The following ANGPT1 variants were observed in gnomAD, a reference collection of about 807,000 sequenced individuals.
The protein encoded by ANGPT1 is angiopoietin 1, also known as angiopoietin-1.
A neutral mutation model predicts 62.2 loss-of-function variants in ANGPT1; 17 were observed. That is an observed-to-expected ratio of 0.27 (90% CI 0.19 to 0.41). The LOEUF (loss-of-function observed/expected upper bound fraction) is 0.41. Ranked by LOEUF, ANGPT1 falls within the 10% of genes least tolerant of loss-of-function variation. The pLI, the probability that ANGPT1 is intolerant of heterozygous loss-of-function variation, is 1.00. For synonymous variants in ANGPT1, 199 were observed against 198.9 expected (o/e 1.00, Z 0.00); for missense variants, 478 against 594.9 (o/e 0.80, Z 2.04).
intron 6 of ANGPT1, among the ~76,000 whole-genome samples, chr8:107,286,508 A>G (rs1431943525): frequency 1.3e-5 from 2 of 152,168 alleles, no homozygotes; most frequent in East Asian, 3.8e-4. Context: ...AGTTTTAGGA[A>G]AGAACTGATG....
chr8:107,486,216 G>C (rs948771441), intron 1 of ANGPT1, among the ~76,000 whole-genome samples: 4 of 152,162 alleles, frequency 2.6e-5, no homozygotes, highest in Non-Finnish European at 5.9e-5. Context: ...TAAGGTTTGA[G>C]GATTGACAAG....
At chr8:107,485,160 T>G (rs577031343) in intron 1 of ANGPT1, among the ~76,000 whole-genome samples, 1 of 152,278 alleles carries the variant, frequency 6.6e-6, no homozygotes, top group East Asian at 1.9e-4. Context: ...GTGTGTTGAT[T>G]GATGAACACA....
At chr8:107,284,906 A>G in intron 6 of ANGPT1, 58 bp from the exon 7 acceptor site, 1 of 1,265,924 alleles carries the variant, frequency 7.9e-7, no homozygotes, top group South Asian at 2.4e-5. Context: ...TTTCATGTTC[A>G]GCATTTAACT....
chr8:107,388,607 A>G (rs1816777883), intron 1 of ANGPT1, among the ~76,000 whole-genome samples: 1 of 152,128 alleles, frequency 6.6e-6, no homozygotes, highest in Non-Finnish European at 1.5e-5. Flanking sequence ...CCGTTCCTGT[A>G]CACCACTTTT....
intron 1 of ANGPT1, among the ~76,000 whole-genome samples, chr8:107,459,489 AAACAACAACAACAACAACAACAAC>A (rs139781448): frequency 6.7e-6 from 1 of 149,960 alleles, no homozygotes; most frequent in East Asian, 2.0e-4. Flanking sequence ...ACTCCTTATC[AAACAACAACAACAACAACAACAAC>A]AACAACAACA....
intron 1 of ANGPT1, among the ~76,000 whole-genome samples, chr8:107,397,723 C>T (rs1286942907): frequency 6.6e-6 from 1 of 152,112 alleles, no homozygotes. Flanking sequence ...GAAACATTTT[C>T]CCATTTGCTT....
chr8:107,473,274 G>A (rs1389597466), intron 1 of ANGPT1, among the ~76,000 whole-genome samples: 1 of 152,000 alleles, frequency 6.6e-6, no homozygotes, highest in Non-Finnish European at 1.5e-5. Flanking sequence ...AACTACCAAA[G>A]CATGCACAGT....
intron 1 of ANGPT1, among the ~76,000 whole-genome samples, chr8:107,438,466 T>A (rs1053462328): frequency 6.6e-5 from 10 of 152,206 alleles, no homozygotes; most frequent in African/African-American, 2.4e-4. Context: ...TTTTGAAGAT[T>A]TTAAATATCA....
chr8:107,298,978 T>G (rs2130203797), intron 5 of ANGPT1, among the ~76,000 whole-genome samples: 1 of 151,828 alleles, frequency 6.6e-6, no homozygotes, highest in Non-Finnish European at 1.5e-5. Flanking sequence ...TTGCTAGCAC[T>G]TTTTATAGGA....
intron 2 of ANGPT1, among the ~76,000 whole-genome samples, chr8:107,341,003 T>G (rs550265967): frequency 6.6e-6 from 1 of 152,260 alleles, no homozygotes; most frequent in African/African-American, 2.4e-5. Flanking sequence ...ATTGAAGTAA[T>G]TTACTTGGTT....
chr8:107,464,432 GA>G (rs1350179978), intron 1 of ANGPT1, among the ~76,000 whole-genome samples: 2 of 151,694 alleles, frequency 1.3e-5, no homozygotes, highest in South Asian at 2.1e-4. Flanking sequence ...GAAATCAGTA[GA>G]AAAAAAGTGT....
At chr8:107,352,291 G>A (rs1815949834) in intron 1 of ANGPT1, among the ~76,000 whole-genome samples, 1 of 152,176 alleles carries the variant, frequency 6.6e-6, no homozygotes, top group South Asian at 2.1e-4. Flanking sequence ...CTTAGGAAAT[G>A]TTACCCATGG....
intron 1 of ANGPT1, among the ~76,000 whole-genome samples, chr8:107,442,893 A>G (rs185076837): frequency 6.6e-6 from 1 of 152,210 alleles, no homozygotes; most frequent in Non-Finnish European, 1.5e-5. Flanking sequence ...AATAAGAAAC[A>G]TCCCTTCAGC....
At chr8:107,489,896 G>T (rs1371330040) in intron 1 of ANGPT1, among the ~76,000 whole-genome samples, 2 of 151,436 alleles carry the variant, frequency 1.3e-5, no homozygotes, top group South Asian at 2.1e-4. Flanking sequence ...TGTAATTAGG[G>T]TTGTGCATCT....
In ANGPT1 at chr8:107,251,670, G is replaced by C. The variant is rs1346882347; in HGVS notation, c.*185C>G. 10 of 676,404 alleles carry C rather than the reference G, an allele frequency of 1.5e-5. No homozygotes were observed. In the East Asian group the frequency reaches 2.2e-4, roughly 15 times the overall value. The allele number at this position is 676,404 out of a possible 1,614,324, so 41.9% of individuals were successfully genotyped here. On this transcript the variant is annotated 3_prime_UTR_variant, in exon 9 of 9. Coordinates refer to ENST00000517746, the MANE Select transcript of ANGPT1 (RefSeq NM_001146.5). ...CACGTGAGCACTGTCACCCCAAGTA[G>C]AGACTCTTGTGAACTCAAACGGCTC... is the stretch of plus-strand genomic sequence containing the variant.
chr8:107,384,836 A>G (rs983049680), intron 1 of ANGPT1, among the ~76,000 whole-genome samples: 1 of 152,068 alleles, frequency 6.6e-6, no homozygotes, highest in Non-Finnish European at 1.5e-5. Flanking sequence ...TCTTCTACAT[A>G]TGGCTAGCCA....
At chr8:107,400,840 G>A (rs10101013) in intron 1 of ANGPT1, among the ~76,000 whole-genome samples, 5,667 of 151,318 alleles carry the variant, frequency 0.037, 351 homozygotes, top group African/African-American at 0.13. Context: ...GATTACAAGC[G>A]TGAGCCACCG....
chr8:107,377,942 T>G (rs1311344055), intron 1 of ANGPT1, among the ~76,000 whole-genome samples: 1 of 152,064 alleles, frequency 6.6e-6, no homozygotes, highest in East Asian at 1.9e-4. Context: ...ACATATCAGT[T>G]GTCAAAATTG....
At chr8:107,363,991 C>T (rs369423812) in intron 1 of ANGPT1, among the ~76,000 whole-genome samples, 4 of 152,112 alleles carry the variant, frequency 2.6e-5, no homozygotes, top group Non-Finnish European at 2.9e-5. Context: ...ACTACAGTTA[C>T]GCAAATCTAA....
Sources: allele counts gnomAD v4.1 joint callset (sites outside exome capture counted in the v4.1 genomes callset), GRCh38; gene constraint gnomAD v4.1.1; transcripts MANE v1.5; gene names NCBI Gene and HGNC (gene_info 2026-07-23, HGNC 2026-07-21).